The following LRRC20 variants were observed in gnomAD, a reference collection of about 807,000 sequenced individuals.
LRRC20 encodes the protein leucine rich repeat containing 20.
LRRC20 carries 11 observed loss-of-function variants against 14.4 expected under a neutral mutation model. The ratio of observed to expected loss-of-function variants is 0.77; its 90% CI spans 0.48 to 1.27. The LOEUF is 1.27. LRRC20 is among the 50% of genes most tolerant of loss of function. The probability of loss-of-function intolerance (pLI) is 0.00; values close to 1 mark genes in which losing one functional copy is unlikely to be tolerated. For synonymous variants in LRRC20, 121 were observed against 107.3 expected (o/e 1.13, Z -0.79); for missense variants, 219 against 251.2 (o/e 0.87, Z 0.87).
intron 1 of LRRC20, among the ~76,000 whole-genome samples, chr10:70,379,781 G>A (rs1844640830): frequency 6.6e-6 from 1 of 152,184 alleles, no homozygotes; most frequent in South Asian, 2.1e-4. Context: ...CAGATGGGGA[G>A]GTGGTGCCTT....
At chr10:70,361,499 G>A (rs577699234) in intron 2 of LRRC20, among the ~76,000 whole-genome samples, 15 of 152,330 alleles carry the variant, frequency 9.8e-5, no homozygotes, top group African/African-American at 3.6e-4. Context: ...GATCAGGAAG[G>A]GCTTCTAGGA....
chr10:70,307,930 G>A (rs558575017), intron 4 of LRRC20, among the ~76,000 whole-genome samples: 1 of 152,344 alleles, frequency 6.6e-6, no homozygotes, highest in South Asian at 2.1e-4. Flanking sequence ...CCTGCTCCCT[G>A]TCACTGGTCT....
intron 2 of LRRC20, among the ~76,000 whole-genome samples, chr10:70,342,090 G>A (rs555294587): frequency 6.6e-6 from 1 of 152,156 alleles, no homozygotes; most frequent in East Asian, 1.9e-4. Context: ...CTTGAGGCCA[G>A]GAGTTTGAGA....
chr10:70,305,503 A>G (rs1358733670), intron 4 of LRRC20, among the ~76,000 whole-genome samples: 1 of 152,270 alleles, frequency 6.6e-6, no homozygotes, highest in East Asian at 1.9e-4. Flanking sequence ...AATTTAGTCT[A>G]TTCCTGAACT....
chr10:70,356,249 C>T (rs1013428385), intron 2 of LRRC20, among the ~76,000 whole-genome samples: 2 of 152,208 alleles, frequency 1.3e-5, no homozygotes, highest in South Asian at 4.1e-4. Flanking sequence ...TGGTGGCTCA[C>T]GCCCGTAACC....
intron 4 of LRRC20, among the ~76,000 whole-genome samples, chr10:70,309,670 G>A (rs1841571209): frequency 6.6e-6 from 1 of 152,252 alleles, no homozygotes; most frequent in Admixed American, 6.5e-5. Flanking sequence ...GAAGACCACT[G>A]ATCCTTCCCC....
intron 3 of LRRC20, among the ~76,000 whole-genome samples, chr10:70,324,370 G>A (rs1373334987): frequency 6.6e-6 from 1 of 152,218 alleles, no homozygotes; most frequent in Admixed American, 6.5e-5. Flanking sequence ...TCCGGGCCCT[G>A]ACGGGGCAGG....
At chr10:70,302,013 C>G (rs1219729867) in intron 4 of LRRC20, among the ~76,000 whole-genome samples, 1 of 152,044 alleles carries the variant, frequency 6.6e-6, no homozygotes, top group Non-Finnish European at 1.5e-5. Flanking sequence ...CATGAATGAA[C>G]CTTGAAAACA....
At chr10:70,342,160 A>T (rs578061969) in intron 2 of LRRC20, among the ~76,000 whole-genome samples, 1 of 152,174 alleles carries the variant, frequency 6.6e-6, no homozygotes, top group Non-Finnish European at 1.5e-5. Context: ...AAACAAAAAA[A>T]TTAGCTGGGC....
chr10:70,305,698 T>G lies in LRRC20; in HGVS notation c.401-4190A>C, dbSNP rs925277139. 4.0e-5 allele frequency among the ~76,000 whole-genome samples: 6 copies of G among 151,670 alleles called. No individual in the cohort carries two copies. The East Asian group carries it at 1.2e-3, about 29-fold the overall frequency. Reference sequence around the variant, plus strand: ...GTATAAAATGTTGCAAAACTAAAAATAAAAACTAGCAAAAATACCAGATGA... The same window carrying G: ...GTATAAAATGTTGCAAAACTAAAAAGAAAAACTAGCAAAAATACCAGATGA... On this transcript the variant is annotated intron_variant, in intron 4 of 4. Transcript: ENST00000446961.
At chr10:70,322,428 G>C (rs1048293735) in intron 4 of LRRC20, among the ~76,000 whole-genome samples, 1 of 152,236 alleles carries the variant, frequency 6.6e-6, no homozygotes, top group African/African-American at 2.4e-5. Context: ...GGCCTGGCCA[G>C]GAATGCAGGG....
At chr10:70,347,458 C>T (rs1432987317) in intron 2 of LRRC20, among the ~76,000 whole-genome samples, 4 of 151,810 alleles carry the variant, frequency 2.6e-5, no homozygotes, top group Admixed American at 6.6e-5. Context: ...AGTCCCATTC[C>T]GACCACCTGG....
intron 2 of LRRC20, among the ~76,000 whole-genome samples, chr10:70,349,649 C>CTAGGCACT (rs1201949408): frequency 3.3e-5 from 5 of 152,132 alleles, no homozygotes; most frequent in Non-Finnish European, 7.3e-5. Context: ...AGACACAGTT[C>CTAGGCACT]TAGGCACTTT....
chr10:70,358,530 C>G (rs1266981312), intron 2 of LRRC20, among the ~76,000 whole-genome samples: 1 of 152,220 alleles, frequency 6.6e-6, no homozygotes, highest in Non-Finnish European at 1.5e-5. Context: ...AGATGCATGA[C>G]TGATGGGACC....
At chr10:70,355,550 G>A (rs1196740267) in intron 2 of LRRC20, among the ~76,000 whole-genome samples, 1 of 152,208 alleles carries the variant, frequency 6.6e-6, no homozygotes, top group Non-Finnish European at 1.5e-5. Flanking sequence ...TCGGGAAGGC[G>A]CGTCTTCTGA....
chr10:70,304,459 A>G (rs1231540988), intron 4 of LRRC20, among the ~76,000 whole-genome samples: 1 of 101,420 alleles, frequency 9.9e-6, no homozygotes, highest in East Asian at 2.2e-4. Flanking sequence ...TATAGATATC[A>G]GGCCACTTCT....
intron 2 of LRRC20, among the ~76,000 whole-genome samples, chr10:70,374,535 T>C (rs1460896018): frequency 6.6e-6 from 1 of 151,976 alleles, no homozygotes; most frequent in Non-Finnish European, 1.5e-5. Context: ...ATTTTTAGTA[T>C]GTTTTAGTAT....
chr10:70,360,975 A>C (rs1217716422), intron 2 of LRRC20, among the ~76,000 whole-genome samples: 1 of 151,508 alleles, frequency 6.6e-6, no homozygotes, highest in Admixed American at 6.6e-5. Context: ...ACTTGAGCCT[A>C]GACGGTTGAG....
At chr10:70,349,250 G>T (rs1035365971) in intron 2 of LRRC20, among the ~76,000 whole-genome samples, 9 of 152,208 alleles carry the variant, frequency 5.9e-5, no homozygotes, top group Admixed American at 5.9e-4. Context: ...ACCAGCAGAG[G>T]CCAAGCTGGT....
Sources: allele counts gnomAD v4.1 joint callset (sites outside exome capture counted in the v4.1 genomes callset), GRCh38; gene constraint gnomAD v4.1.1; transcripts MANE v1.5; gene names NCBI Gene and HGNC (gene_info 2026-07-23, HGNC 2026-07-21).